TAS2R1: variants seen among roughly 807,000 people sequenced by gnomAD.
TAS2R1 encodes taste 2 receptor member 1, also known as taste receptor type 2 member 1.
For missense variants in TAS2R1, 370 were observed against 353.4 expected (o/e 1.05, Z -0.38); for synonymous variants, 141 against 134.2 (o/e 1.05, Z -0.35).
the TAS2R1 span, among the ~76,000 whole-genome samples, chr5:9,737,581 A>G: frequency 6.6e-6 from 1 of 152,112 alleles, no homozygotes; most frequent in Non-Finnish European, 1.5e-5. Context: ...TGAGAGAGAA[A>G]TATGAGCCCA....
the TAS2R1 span, among the ~76,000 whole-genome samples, chr5:9,731,063 T>C: frequency 6.6e-6 from 1 of 152,036 alleles, no homozygotes; most frequent in South Asian, 2.1e-4. Flanking sequence ...TGGACTGAAA[T>C]CCGCTGTCCC....
intron 2 of TAS2R1, among the ~76,000 whole-genome samples, chr5:9,657,737 C>A (rs944061906): frequency 6.6e-6 from 1 of 151,894 alleles, no homozygotes; most frequent in Non-Finnish European, 1.5e-5. Context: ...CAGGGGCTGG[C>A]GGGGAGTGGG....
the TAS2R1 span, among the ~76,000 whole-genome samples, chr5:9,860,416 A>C: frequency 7.9e-5 from 12 of 152,180 alleles, no homozygotes; most frequent in African/African-American, 1.9e-4. Flanking sequence ...CTCACAGCTC[A>C]TCTCTCCAGA....
the TAS2R1 span, among the ~76,000 whole-genome samples, chr5:9,851,009 T>A: frequency 6.6e-6 from 1 of 152,202 alleles, no homozygotes; most frequent in Non-Finnish European, 1.5e-5. Flanking sequence ...AAATGAATGT[T>A]GTCTCTTTTC....
At chr5:9,716,174 T>C (rs1734806332), upstream of TAS2R1, among the ~76,000 whole-genome samples, 1 of 152,116 alleles carries the variant, frequency 6.6e-6, no homozygotes, top group Non-Finnish European at 1.5e-5. Context: ...ACCAGCCTGG[T>C]CACTGGGAGG....
At chr5:9,828,742 T>G in the TAS2R1 span, among the ~76,000 whole-genome samples, 1 of 152,222 alleles carries the variant, frequency 6.6e-6, no homozygotes, top group Non-Finnish European at 1.5e-5. Flanking sequence ...ATGATACAGT[T>G]GAATTCCAGA....
the TAS2R1 span, among the ~76,000 whole-genome samples, chr5:9,805,841 C>T: frequency 6.6e-6 from 1 of 151,974 alleles, no homozygotes; most frequent in Admixed American, 6.6e-5. Context: ...TAGAACAAGA[C>T]AAGGATACCC....
rs551694851 is a variant in TAS2R1 at position 9,695,794 on chromosome 5, T to C, written c.-242+16378A>G. Among the ~76,000 whole-genome samples, 91 of 152,170 alleles carry C rather than the reference T, an allele frequency of 6.0e-4. 1 individual carries two copies. In the South Asian group the frequency reaches 0.018, roughly 31 times the overall value. On this transcript the variant is annotated intron_variant, in intron 1 of 2. Coordinates refer to the TAS2R1 transcript ENST00000506620. ...AACCACGGCAACTGGAGCCTGACTC[T>C]GAATGGAGCCTGAGAGGCAGGAGAA...
chr5:9,785,124 A>G, the TAS2R1 span, among the ~76,000 whole-genome samples: 3 of 152,298 alleles, frequency 2.0e-5, no homozygotes, highest in Admixed American at 2.0e-4. Flanking sequence ...CCTTTTCACC[A>G]TGGCTACAGC....
At chr5:9,779,912 G>A in the TAS2R1 span, among the ~76,000 whole-genome samples, 1 of 152,292 alleles carries the variant, frequency 6.6e-6, no homozygotes, top group African/African-American at 2.4e-5. Flanking sequence ...AATGAGATAT[G>A]CCTGTACTTA....
the TAS2R1 span, among the ~76,000 whole-genome samples, chr5:9,807,709 A>G: frequency 6.6e-6 from 1 of 152,146 alleles, no homozygotes; most frequent in Non-Finnish European, 1.5e-5. Flanking sequence ...AGTGGGAGCT[A>G]AGCTATGAGG....
At chr5:9,740,834 C>A in the TAS2R1 span, among the ~76,000 whole-genome samples, 6 of 152,168 alleles carry the variant, frequency 3.9e-5, no homozygotes, top group African/African-American at 1.4e-4. Context: ...TTACACTGCA[C>A]CGTAATCATT....
intron 1 of TAS2R1, chr5:9,712,157 A>G (rs1404204895): frequency 6.6e-6 from 1 of 151,976 alleles, no homozygotes; most frequent in African/African-American, 2.4e-5. Context: ...GTCTCAGTTC[A>G]CTCATTTATC....
At chr5:9,781,831 T>A in the TAS2R1 span, among the ~76,000 whole-genome samples, 3 of 152,166 alleles carry the variant, frequency 2.0e-5, no homozygotes, top group African/African-American at 7.2e-5. Flanking sequence ...CTGCAGCCTC[T>A]CCATCCATCA....
At chr5:9,827,895 C>G in the TAS2R1 span, among the ~76,000 whole-genome samples, 21 of 152,312 alleles carry the variant, frequency 1.4e-4, no homozygotes, top group African/African-American at 5.1e-4. Flanking sequence ...ACTTATATTT[C>G]AAACAAATTT....
chr5:9,639,016 C>A (rs1387485548), intron 2 of TAS2R1, among the ~76,000 whole-genome samples: 1 of 152,174 alleles, frequency 6.6e-6, no homozygotes, highest in Non-Finnish European at 1.5e-5. Context: ...ACTGGGAAAG[C>A]AAGCATGGCT....
the TAS2R1 span, among the ~76,000 whole-genome samples, chr5:9,848,551 T>A: frequency 5.9e-5 from 9 of 152,292 alleles, 1 homozygote; most frequent in East Asian, 1.7e-3. Context: ...TTAATAATAA[T>A]GTATTACATA....
chr5:9,664,633 G>C (rs1379974580), intron 1 of TAS2R1, among the ~76,000 whole-genome samples: 1 of 152,082 alleles, frequency 6.6e-6, no homozygotes, highest in East Asian at 1.9e-4. Flanking sequence ...TGTAACATGT[G>C]ACAGGTTTGG....
intron 1 of TAS2R1, among the ~76,000 whole-genome samples, chr5:9,708,169 T>A (rs1309893231): frequency 6.6e-6 from 1 of 152,176 alleles, no homozygotes; most frequent in African/African-American, 2.4e-5. Context: ...ATTCTTCAAA[T>A]GAAATTAACT....
Sources: allele counts gnomAD v4.1 joint callset (sites outside exome capture counted in the v4.1 genomes callset), GRCh38; gene constraint gnomAD v4.1.1; transcripts MANE v1.5; gene names NCBI Gene and HGNC (gene_info 2026-07-23, HGNC 2026-07-21).